KIF5B: variants seen among roughly 807,000 people sequenced by gnomAD.
KIF5B encodes kinesin family member 5B, also known as kinesin-1 heavy chain.
Under a neutral mutation model 132.8 loss-of-function variants are expected in KIF5B, and 49 were observed. The observed-to-expected ratio is 0.37, with a 90% CI of 0.29 to 0.47. The LOEUF (loss-of-function observed/expected upper bound fraction) is 0.47, where lower values mean the gene tolerates loss of function less well. Among genes scored for constraint, KIF5B ranks in the 20% least tolerant of loss-of-function variants. The pLI, the probability that KIF5B is intolerant of heterozygous loss-of-function variation, is 1.00. For missense variants in KIF5B, 780 were observed against 1,144.0 expected (o/e 0.68, Z 4.59); for synonymous variants, 355 against 369.4 (o/e 0.96, Z 0.45).
At chr10:32,055,553 T>A (rs565554651) in intron 1 of KIF5B, among the ~76,000 whole-genome samples, 4 of 151,902 alleles carry the variant, frequency 2.6e-5, no homozygotes, top group South Asian at 4.2e-4. Flanking sequence ...CAGACAAACG[T>A]GCACTGAACT....
chr10:32,019,109 GT>G (rs1307455938), intron 20 of KIF5B, among the ~76,000 whole-genome samples: 1 of 152,132 alleles, frequency 6.6e-6, no homozygotes, highest in East Asian at 1.9e-4. Flanking sequence ...ATAAGGAATA[GT>G]TCTATAATTT....
chr10:32,055,417 T>C (rs1337188932), intron 1 of KIF5B, among the ~76,000 whole-genome samples: 1 of 152,178 alleles, frequency 6.6e-6, no homozygotes, highest in Non-Finnish European at 1.5e-5. Flanking sequence ...CTACGGCTTA[T>C]CTCAGAGCTC....
chr10:32,015,122 C>CAAAAAG lies in KIF5B; in HGVS notation c.*20+381_*20+386dup, dbSNP rs1238198663. Among the ~76,000 whole-genome samples, 10 of 127,214 alleles carry CAAAAAG rather than the reference C, an allele frequency of 7.9e-5. No homozygotes were observed. The East Asian group carries it at 2.2e-3, about 28-fold the overall frequency. The allele number at this position is 127,214 out of a possible 152,430, so 83.5% of individuals were successfully genotyped here. On this transcript the variant is annotated intron_variant, in intron 25 of 25. Transcript: ENST00000302418. ...GGGCGACAAGAGTGAGATTCCATCTCAAAAAGAAAAAGAAAAAAAAAAAAA... is the reference window on the plus strand; with the variant it reads ...GGGCGACAAGAGTGAGATTCCATCTCAAAAAGAAAAAGAAAAAGAAAAAAAAAAAAA...
rs1038622113 is a variant in KIF5B, at chr10:32,011,088, T to C, written c.*449A>G. 2.0e-5 allele frequency: 3 copies of C among 151,052 alleles called. No homozygotes were observed. Among genetic ancestry groups the C allele is most frequent in the Admixed American group, 1.3e-4 (2 of 15,188 alleles). The allele number at this position is 151,052 out of a possible 1,614,324, so 9.4% of individuals were successfully genotyped here. A position where few individuals can be genotyped will look rare whatever the true frequency, so the allele number is the denominator to read the frequency against. ...TTAACCTAAATGTTCCATTTTCTCT[T>C]AAGAAAAAAAAAGGAAGACGTTTTA... is the stretch of plus-strand genomic sequence containing the variant. On this transcript the variant is annotated 3_prime_UTR_variant, in exon 26 of 26. Coordinates refer to ENST00000302418, the MANE Select transcript of KIF5B (RefSeq NM_004521.3).
chr10:32,025,220 T>C (rs758472595), intron 15 of KIF5B, among the ~76,000 whole-genome samples: 23 of 152,264 alleles, frequency 1.5e-4, no homozygotes, highest in Non-Finnish European at 2.6e-4. Context: ...CTCTCATTCA[T>C]GGCTGATAGG....
In KIF5B at chr10:32,010,521, T is replaced by A. The variant is rs1476672648; in HGVS notation, c.*1016A>T. ...ATATATTTTTAATTCATCATATATC[T>A]GTCCTGTTTCTTCATTTTTCTCAAT... On this transcript the variant is annotated 3_prime_UTR_variant, in exon 26 of 26. Transcript: ENST00000302418. 1 of 152,202 alleles carries A rather than the reference T, an allele frequency of 6.6e-6. No homozygotes were observed. The highest frequency in any genetic ancestry group is 1.5e-5 in the Non-Finnish European group (1 of 68,010). The allele number at this position is 152,202 out of a possible 1,614,324, so 9.4% of individuals were successfully genotyped here.
rs1841183720 is a variant in KIF5B, at chr10:32,017,226, T to C, written c.2678A>G (p.Lys893Arg). The change falls in exon 24 of 26, where the codon AAA (lysine) becomes AGA (arginine). Residue 893 changes from lysine (K) to arginine (R), a missense_variant. Lys to Arg is a conservative substitution (Grantham distance 26). This residue lies in a region of KIF5B where 90 missense variants were observed against 101.8 expected (regional missense o/e 0.88). Coordinates refer to ENST00000302418, the MANE Select transcript of KIF5B (RefSeq NM_004521.3). The part of the protein sequence containing the change: ...EAKENASRDR[K>R]RYQQEVDRIK... The stretch of plus-strand genomic sequence containing the variant: ...GCGATCTACTTCTTGCTGATAGCGT[T>C]TGCGATCACGAGATGCATTTTCTTT... 6.2e-7 allele frequency: 1 copy of C among 1,614,224 alleles called. No individual in the cohort carries two copies. Among genetic ancestry groups the C allele is most frequent in the South Asian group, 1.1e-5 (1 of 91,084 alleles).
intron 12 of KIF5B, among the ~76,000 whole-genome samples, chr10:32,033,203 C>T (rs953215139): frequency 2.0e-5 from 3 of 152,102 alleles, no homozygotes; most frequent in African/African-American, 4.8e-5. Context: ...TTGGAGTCTT[C>T]AGAGCCCTGA....
chr10:32,034,661 C>CT lies in KIF5B; in HGVS notation c.1111+28dup, dbSNP rs1180467265. ...ATGCTCTAAATCTGTATTTAACAAA[C>CT]TGAAGATGACAAATTCTTAAGTTAT... On this transcript the variant is annotated intron_variant, in intron 11 of 25. Transcript: ENST00000302418. 7.3e-6 allele frequency: 11 copies of CT among 1,503,682 alleles called. No individual in the cohort carries two copies. The African/African-American group carries it at 1.3e-4, about 18-fold the overall frequency. The allele number at this position is 1,503,682 out of a possible 1,614,324, so 93.1% of individuals were successfully genotyped here. A position where few individuals can be genotyped will look rare whatever the true frequency, so the allele number is the denominator to read the frequency against.
At chr10:32,018,180 CA>C in intron 22 of KIF5B, 24 bp from the exon 23 acceptor site, 6 of 1,534,476 alleles carry the variant, frequency 3.9e-6, no homozygotes, top group Middle Eastern at 1.7e-4. Context: ...GTAAGTATTA[CA>C]AAAAAATTAA....
chr10:32,017,331 C>T lies in KIF5B; in HGVS notation c.2573G>A (p.Cys858Tyr), dbSNP rs1213138447. The T allele has an allele frequency of 6.2e-7, 1 of 1,614,014 alleles. No individual in the cohort carries two copies. Among genetic ancestry groups the T allele is most frequent in the Non-Finnish European group, 8.5e-7 (1 of 1,180,016 alleles). Residue 858 changes from cysteine (C) to tyrosine (Y), a missense_variant, in exon 24 of 26, where the codon TGT becomes TAT. By Grantham distance (194) the Cys-to-Tyr change is radical (BLOSUM62 -2). Transcript: ENST00000302418. ...QLVRDNADLR[C>Y]ELPKLEKRLR... Reference sequence around the variant, plus strand: ...TCGCTTTTCCAACTTAGGAAGTTCACAGCGGAGATCTGCATTATCACGTAC... The same window carrying T: ...TCGCTTTTCCAACTTAGGAAGTTCATAGCGGAGATCTGCATTATCACGTAC...
chr10:32,030,950 G>A (rs999605332), intron 14 of KIF5B, 123 bp downstream of exon 14: 27 of 681,478 alleles, frequency 4.0e-5, no homozygotes, highest in Non-Finnish European at 5.8e-5. Flanking sequence ...GTTGAAACCC[G>A]AGTCCTTGAA....
At chr10:32,012,687 C>T (rs930580630) in intron 25 of KIF5B, among the ~76,000 whole-genome samples, 2 of 152,136 alleles carry the variant, frequency 1.3e-5, no homozygotes, top group Non-Finnish European at 2.9e-5. Context: ...CTGCTATCAG[C>T]AATAGTTAAC....
At chr10:32,021,393 T>G (rs1841256863) in intron 17 of KIF5B, 106 bp from the exon 18 acceptor site, 1 of 783,598 alleles carries the variant, frequency 1.3e-6, no homozygotes, top group East Asian at 2.6e-5. Context: ...TTAGCAATAT[T>G]CAACTTCAAA....
chr10:32,035,439 T>C (rs1438495830), intron 10 of KIF5B, 83 bp downstream of exon 10: 2 of 1,203,366 alleles, frequency 1.7e-6, no homozygotes, highest in Non-Finnish European at 2.4e-6. Context: ...ATGTACAGGT[T>C]GGAATAACAG....
intron 25 of KIF5B, 97 bp downstream of exon 25, chr10:32,015,412 T>C (rs1333593517): frequency 2.1e-5 from 19 of 892,844 alleles, no homozygotes; most frequent in Non-Finnish European, 3.0e-5. Flanking sequence ...GTTAAAAAAA[T>C]CATAACACTA....
chr10:32,043,546 G>C (rs550475408), intron 2 of KIF5B, among the ~76,000 whole-genome samples: 20 of 152,322 alleles, frequency 1.3e-4, no homozygotes, highest in African/African-American at 4.8e-4. Context: ...AGAGAGTTCA[G>C]GTCAGGAAGC....
intron 25 of KIF5B, among the ~76,000 whole-genome samples, chr10:32,014,937 A>T (rs1269520919): frequency 6.6e-6 from 1 of 152,150 alleles, no homozygotes; most frequent in Non-Finnish European, 1.5e-5. Context: ...AGCCTGACCA[A>T]CATGGTGAAA....
At chr10:32,043,784 TA>T (rs1378047124) in intron 2 of KIF5B, among the ~76,000 whole-genome samples, 2 of 152,212 alleles carry the variant, frequency 1.3e-5, no homozygotes, top group African/African-American at 4.8e-5. Context: ...CTTGTCCAGA[TA>T]ATTATGAGCC....
Sources: gnomAD v4.1 joint callset for allele counts (sites outside exome capture counted in the v4.1 genomes callset) on GRCh38, gnomAD v4.1.1 for gene constraint, gnomAD v4.1.1 regional missense constraint, MANE v1.5 for transcripts, NCBI Gene and HGNC (gene_info 2026-07-23, HGNC 2026-07-21) for gene names.